Variants in SYNPR observed in about 807,000 individuals in gnomAD.
SYNPR encodes synaptoporin.
SYNPR carries 23 observed loss-of-function variants against 32.9 expected under a neutral mutation model. The ratio of observed to expected loss-of-function variants is 0.70; its 90% CI spans 0.50 to 0.99. The LOEUF (loss-of-function observed/expected upper bound fraction) is 0.99, where lower values mean the gene tolerates loss of function less well. SYNPR is among the 50% of genes least tolerant of loss of function. The pLI, the probability that SYNPR is intolerant of heterozygous loss-of-function variation, is 0.00. For synonymous variants in SYNPR, 146 were observed against 135.9 expected, an observed-to-expected ratio of 1.07 and a Z score of -0.52; for missense variants, 318 against 349.3, an observed-to-expected ratio of 0.91 and a Z score of 0.71.
At chr3:63,414,940 A>C (rs2088520283) in intron 2 of SYNPR, among the ~76,000 whole-genome samples, 1 of 152,198 alleles carries the variant, frequency 6.6e-6, no homozygotes, top group East Asian at 1.9e-4. Context: ...AAAATTTTCT[A>C]AACTCAGGAA....
chr3:63,393,462 TCTTCCTTTCCTTC>T (rs965951925), intron 2 of SYNPR, among the ~76,000 whole-genome samples: 22 of 150,960 alleles, frequency 1.5e-4, no homozygotes, highest in African/African-American at 5.4e-4. Context: ...TTCCTTCCTT[TCTTCCTTTCCTTC>T]CTTCCTTCTT....
At chr3:63,592,955 G>A (rs144663722) in intron 4 of SYNPR, among the ~76,000 whole-genome samples, 38 of 152,106 alleles carry the variant, frequency 2.5e-4, no homozygotes, top group African/African-American at 9.2e-4. Context: ...TGGAAACTGA[G>A]GCTTCATTGG....
intron 3 of SYNPR, among the ~76,000 whole-genome samples, chr3:63,511,410 T>C (rs1701697761): frequency 6.6e-6 from 1 of 152,188 alleles, no homozygotes. Context: ...TCACATGTTT[T>C]AATACAGTTG....
intron 4 of SYNPR, among the ~76,000 whole-genome samples, chr3:63,595,506 C>T (rs762712602): frequency 6.6e-6 from 1 of 151,182 alleles, no homozygotes; most frequent in African/African-American, 2.4e-5. Context: ...AGGGACTGGT[C>T]TCCTGGGACC....
chr3:63,327,195 G>A (rs1441371663), intron 2 of SYNPR, among the ~76,000 whole-genome samples: 1 of 152,054 alleles, frequency 6.6e-6, no homozygotes, highest in South Asian at 2.1e-4. Flanking sequence ...AAAAGAAAAT[G>A]TGATCCCACC....
chr3:63,242,135 A>G (rs1009890050), intron 1 of SYNPR, among the ~76,000 whole-genome samples: 14 of 152,154 alleles, frequency 9.2e-5, no homozygotes, highest in African/African-American at 3.4e-4. Flanking sequence ...AAAATAAAAG[A>G]TAATGTGAAT....
chr3:63,257,890 G>C (rs1316274041), intron 2 of SYNPR, among the ~76,000 whole-genome samples: 2 of 151,580 alleles, frequency 1.3e-5, no homozygotes, highest in Non-Finnish European at 2.9e-5. Flanking sequence ...CAAGCAAATG[G>C]AAAACAAAAA....
intron 4 of SYNPR, among the ~76,000 whole-genome samples, chr3:63,584,867 T>C (rs1317547586): frequency 6.6e-6 from 1 of 152,078 alleles, no homozygotes; most frequent in Non-Finnish European, 1.5e-5. Context: ...AAGACTTGCT[T>C]CTCAAAGTAT....
chr3:63,340,513 G>A (rs1364288717), intron 2 of SYNPR, among the ~76,000 whole-genome samples: 5 of 143,274 alleles, frequency 3.5e-5, no homozygotes, highest in African/African-American at 7.7e-5. Flanking sequence ...TCCGCCTCCC[G>A]GGTTCACGCC....
At chr3:63,268,611 G>A (rs1259051748) in intron 3 of SYNPR, among the ~76,000 whole-genome samples, 2 of 152,260 alleles carry the variant, frequency 1.3e-5, no homozygotes, top group East Asian at 1.9e-4. Flanking sequence ...ATAAGTAGAC[G>A]TGGATCATCA....
chr3:63,573,891 A>G (rs1702934327), intron 4 of SYNPR, among the ~76,000 whole-genome samples: 1 of 152,146 alleles, frequency 6.6e-6, no homozygotes, highest in Non-Finnish European at 1.5e-5. Context: ...TTTTGCAAAG[A>G]ATATTTATTT....
chr3:63,605,025 C>G (rs9855104), intron 4 of SYNPR, among the ~76,000 whole-genome samples: 95,443 of 152,004 alleles, frequency 0.63, 30,153 homozygotes, highest in African/African-American at 0.68. Context: ...TTCATTCTTT[C>G]ACTCAACAAA....
In SYNPR at chr3:63,478,608, C is replaced by T. The variant is rs931237919; in HGVS notation, c.85-2224C>T. Among the ~76,000 whole-genome samples the T allele has an allele frequency of 3.9e-5, 6 of 152,158 alleles. No individual in the cohort carries two copies. In the East Asian group the frequency reaches 9.6e-4, roughly 24 times the overall value. On this transcript the variant is annotated intron_variant, in intron 2 of 5. Coordinates refer to ENST00000478300, the MANE Select transcript of SYNPR (RefSeq NM_001130003.2). ...TATGTGCACAATTGCCTATCACACA[C>T]TTATGACTCCTGCCCCCAGAGAAAT...
chr3:63,243,724 G>A (rs2086264629), intron 1 of SYNPR, among the ~76,000 whole-genome samples: 1 of 151,976 alleles, frequency 6.6e-6, no homozygotes, highest in African/African-American at 2.4e-5. Context: ...GTATTATATT[G>A]TCATAACTTC....
chr3:63,529,016 A>C (rs1293319211), intron 3 of SYNPR, among the ~76,000 whole-genome samples: 1 of 152,242 alleles, frequency 6.6e-6, no homozygotes, highest in South Asian at 2.1e-4. Context: ...GTTTACAGCT[A>C]TCCTCAGTCA....
chr3:63,500,619 T>A (rs1195635793), intron 3 of SYNPR, among the ~76,000 whole-genome samples: 1 of 152,316 alleles, frequency 6.6e-6, no homozygotes, highest in East Asian at 1.9e-4. Flanking sequence ...TGAGTGTCCC[T>A]TGGGAAAATG....
At chr3:63,535,238 A>T (rs987043991) in intron 3 of SYNPR, among the ~76,000 whole-genome samples, 1 of 152,174 alleles carries the variant, frequency 6.6e-6, no homozygotes, top group Admixed American at 6.6e-5. Context: ...ATCCTTACAA[A>T]GAACAATTCC....
intron 2 of SYNPR, among the ~76,000 whole-genome samples, chr3:63,447,407 T>C (rs73112609): frequency 0.15 from 22,405 of 152,184 alleles, 2,047 homozygotes; most frequent in East Asian, 0.35. Context: ...CTTAAACATA[T>C]TGATCATTAA....
intron 2 of SYNPR, among the ~76,000 whole-genome samples, chr3:63,381,125 A>C (rs1428359840): frequency 2.6e-5 from 4 of 152,226 alleles, no homozygotes; most frequent in Non-Finnish European, 4.4e-5. Flanking sequence ...ACCTGTTTGC[A>C]GATGATAAGA....
Sources: gnomAD v4.1 joint callset for allele counts (sites outside exome capture counted in the v4.1 genomes callset) on GRCh38, gnomAD v4.1.1 for gene constraint, MANE v1.5 for transcripts, NCBI Gene and HGNC (gene_info 2026-07-23, HGNC 2026-07-21) for gene names.